Variants in SH3TC2 observed in about 807,000 individuals in gnomAD.
SH3TC2 encodes SH3 domain and tetratricopeptide repeat-containing protein 2.
In SH3TC2, 87 loss-of-function variants were observed where a neutral mutation model predicts 124.5. That is an observed-to-expected ratio of 0.70 (90% confidence interval 0.59 to 0.84). The LOEUF is 0.84. SH3TC2 is among the 40% of genes least tolerant of loss of function. The probability of loss-of-function intolerance (pLI) is 0.00; values close to 1 mark genes in which losing one functional copy is unlikely to be tolerated. For synonymous variants in SH3TC2, 634 were observed against 628.5 expected (o/e 1.01, Z -0.13); for missense variants, 1,536 against 1,566.4 (o/e 0.98, Z 0.33).
chr5:149,038,364 T>C lies in SH3TC2; in HGVS notation c.932A>G (p.Lys311Arg). The C allele has an allele frequency of 6.2e-7, 1 of 1,614,188 alleles. No homozygotes were observed. Residue 311 changes from lysine to arginine, a missense_variant, in exon 8 of 17, where the codon AAG becomes AGG. Around this residue, in one of 3 missense-constraint regions of SH3TC2, gnomAD observed 1,102 missense variants for 1,098.6 expected, o/e 1.00. Coordinates refer to ENST00000515425, the MANE Select transcript of SH3TC2 (RefSeq NM_024577.4). ...VIPGLQWFIG[K>R]STSSGQVGFV... is the part of the protein sequence containing the mutation. ...GCCCACTTGTCCTGAACTTGTCGAC[T>C]TTCCAATGAACCACTGAAGCCCAGG... is the stretch of plus-strand genomic sequence containing the variant.
At position 149,028,342 on chromosome 5, in the gene SH3TC2, C is replaced by G. The variant is rs764054256; in HGVS notation, c.1390G>C (p.Ala464Pro). The G allele has an allele frequency of 6.2e-7, 1 of 1,613,926 alleles. No individual in the cohort carries two copies. The highest frequency in any genetic ancestry group is 8.5e-7 in the Non-Finnish European group (1 of 1,179,888). ...GCCAATATGGGGGCGAAGTTCTCAG[C>G]CTCCTCCTCCTGACCAGTGCTTAGG... ...MDLSTGQEEE[A>P]ENFAPILAFL... The change falls in exon 11 of 17, where the codon GCT (alanine) becomes CCT (proline). Residue 464 changes from alanine to proline, a missense_variant. Physicochemically the swap from Ala to Pro is conservative, Grantham distance 27. Around this residue, in one of 3 missense-constraint regions of SH3TC2, gnomAD observed 1,102 missense variants for 1,098.6 expected, o/e 1.00. Coordinates refer to ENST00000515425, the MANE Select transcript of SH3TC2 (RefSeq NM_024577.4).
In SH3TC2 at chr5:148,998,842, C is replaced by T. The variant is rs1170573582; in HGVS notation, c.*5869G>A. Among the ~76,000 whole-genome samples the T allele has an allele frequency of 6.6e-6, 1 of 152,160 alleles. No homozygotes were observed. Among genetic ancestry groups the T allele is most frequent in the Non-Finnish European group, 1.5e-5 (1 of 68,018 alleles). On this transcript the variant is annotated 3_prime_UTR_variant, in exon 17 of 17. Coordinates refer to ENST00000515425, the MANE Select transcript of SH3TC2 (RefSeq NM_024577.4). ...CAAGTCCCCTGAGTTCTGGAATAAT[C>T]AGACAGAGTTGGGAGAGTGAGGGGG...
intron 8 of SH3TC2, among the ~76,000 whole-genome samples, chr5:149,033,556 T>C (rs991268437): frequency 1.3e-5 from 2 of 152,184 alleles, no homozygotes; most frequent in Non-Finnish European, 2.9e-5. Flanking sequence ...GAACTGGGGT[T>C]GACCTTCTAA....
rs1753262459 is a variant in SH3TC2, at chr5:148,982,275, G to A, written c.*22436C>T. 6.6e-6 allele frequency among the ~76,000 whole-genome samples: 1 copy of A among 152,100 alleles called. No individual in the cohort carries two copies. Among genetic ancestry groups the A allele is most frequent in the Admixed American group, 6.5e-5 (1 of 15,282 alleles). On this transcript the variant is annotated 3_prime_UTR_variant, in exon 17 of 17. Transcript: ENST00000515425. Reference sequence around the variant, plus strand: ...TGTTGGGGAGGGCCTGAGGAAAAAGGCACTCTCCGCATTGTAGGAGAATAC... The same window carrying A: ...TGTTGGGGAGGGCCTGAGGAAAAAGACACTCTCCGCATTGTAGGAGAATAC...
At chr5:149,023,101 T>C (rs751293484) in intron 12 of SH3TC2, among the ~76,000 whole-genome samples, 1 of 152,244 alleles carries the variant, frequency 6.6e-6, no homozygotes, top group Admixed American at 6.5e-5. Context: ...GGAAACTCTT[T>C]TGTAAAATTT....
Position 149,027,626 on chromosome 5 carries a change from T to C in SH3TC2, c.2106A>G (p.Gln702=). ...CCTGCCAAATAGGAAGAGACATCCCTTGGGCACTCTGGATACCATGTTGCT... is the reference window on the plus strand; with the variant it reads ...CCTGCCAAATAGGAAGAGACATCCCCTGGGCACTCTGGATACCATGTTGCT... ...SVQQHGIQSA[Q]GMSLPIWQVH... is the part of the protein sequence containing the mutation. Residue 702 remains glutamine (Q), a synonymous_variant, in exon 11 of 17, where the codon CAA becomes CAG. Transcript: ENST00000515425. 6.2e-7 allele frequency: 1 copy of C among 1,614,256 alleles called. No homozygotes were observed. The highest frequency in any genetic ancestry group is 1.1e-5 in the South Asian group (1 of 91,086).
At chr5:149,012,470 G>C in intron 13 of SH3TC2, 114 bp downstream of exon 13, 1 of 1,382,462 alleles carries the variant, frequency 7.2e-7, no homozygotes, top group Non-Finnish European at 1.0e-6. Context: ...TTTCTCCACA[G>C]GCTTAGGGTG....
rs960532202 is a variant in SH3TC2 at position 148,993,103 on chromosome 5, T to G, written c.*11608A>C. ...GGCTTCCATAGACGCTTAAGGTGATTAGGCATTTGTCCCTCACCGTTTCGA... is the reference window on the plus strand; with the variant it reads ...GGCTTCCATAGACGCTTAAGGTGATGAGGCATTTGTCCCTCACCGTTTCGA... On this transcript the variant is annotated 3_prime_UTR_variant, in exon 17 of 17. Transcript: ENST00000515425. Among the ~76,000 whole-genome samples the G allele has an allele frequency of 6.6e-6, 1 of 152,196 alleles. No homozygotes were observed. The highest frequency in any genetic ancestry group is 1.5e-5 in the Non-Finnish European group (1 of 68,022).
In SH3TC2 at chr5:148,995,797, C is replaced by T. The variant is rs372372656; in HGVS notation, c.*8914G>A. Among the ~76,000 whole-genome samples, 6 of 151,976 alleles carry T rather than the reference C, an allele frequency of 3.9e-5. No individual in the cohort carries two copies. The highest frequency in any genetic ancestry group is 7.4e-5 in the Non-Finnish European group (5 of 68,012). On this transcript the variant is annotated 3_prime_UTR_variant, in exon 17 of 17. Transcript: ENST00000515425. The stretch of plus-strand genomic sequence containing the variant: ...AAATAAGATTCCTGTTTTCATGGAA[C>T]TTCTAATCTAGGTGGTGCACATGGA...
At chr5:149,013,547 A>G (rs1182865822) in intron 12 of SH3TC2, among the ~76,000 whole-genome samples, 1 of 152,212 alleles carries the variant, frequency 6.6e-6, no homozygotes, top group Non-Finnish European at 1.5e-5. Flanking sequence ...TGAATGAGTG[A>G]CAACAGTGGT....
rs1189583812 is a variant in SH3TC2, at chr5:149,000,389, A to T, written c.*4322T>A. Among the ~76,000 whole-genome samples the T allele has an allele frequency of 6.6e-6, 1 of 152,238 alleles. No homozygotes were observed. The highest frequency in any genetic ancestry group is 1.5e-5 in the Non-Finnish European group (1 of 68,032). The stretch of plus-strand genomic sequence containing the variant: ...CTTATTAATCTCTCTGTTTTCAAAC[A>T]ATGCCAGATAAGGCCTAGGCTGGGT... On this transcript the variant is annotated 3_prime_UTR_variant, in exon 17 of 17. Transcript: ENST00000515425.
In SH3TC2 at chr5:149,027,524, G is replaced by A. The variant is rs1754092285; in HGVS notation, c.2208C>T (p.Ala736=). The A allele has an allele frequency of 6.2e-7, 1 of 1,614,108 alleles. No individual in the cohort carries two copies. Among genetic ancestry groups the A allele is most frequent in the Admixed American group, 1.7e-5 (1 of 60,014 alleles). The part of the protein sequence containing the change: ...SPGWGEVSAL[A]CPMLRQALAA... ...CCAGGGCCTGTCTGAGCATTGGGCA[G>A]GCCAAGGCAGAAACTTCACCCCAGC... The change falls in exon 11 of 17, where the codon GCC becomes GCT. Residue 736 remains alanine, a synonymous_variant. Coordinates refer to ENST00000515425, the MANE Select transcript of SH3TC2 (RefSeq NM_024577.4).
intron 1 of SH3TC2, among the ~76,000 whole-genome samples, chr5:149,058,526 T>C (rs1368688568): frequency 6.6e-6 from 1 of 152,214 alleles, no homozygotes. Context: ...TTTGCAATTG[T>C]TATTGGGTTA....
chr5:149,012,502 C>T, intron 13 of SH3TC2, 82 bp downstream of exon 13: 1 of 1,545,216 alleles, frequency 6.5e-7, no homozygotes, highest in Non-Finnish European at 8.9e-7. Flanking sequence ...TCTCTGGTTC[C>T]CCCTGGTTGA....
At position 149,028,175 on chromosome 5, in the gene SH3TC2, C is replaced by T. The variant is rs1393215964; in HGVS notation, c.1557G>A (p.Lys519=). 3.1e-6 allele frequency: 5 copies of T among 1,614,042 alleles called. No individual in the cohort carries two copies. Reference sequence around the variant, plus strand: ...CATGGGCCCAGGTCATGTGGCTCTTCTTGGCCCACTTTCTTGATGCCTCCA... The same window carrying T: ...CATGGGCCCAGGTCATGTGGCTCTTTTTGGCCCACTTTCTTGATGCCTCCA... ...AYLEASRKWA[K]KSHMTWAHAR... The change falls in exon 11 of 17, where the codon AAG becomes AAA. Residue 519 remains lysine (K), a synonymous_variant. Transcript: ENST00000515425.
chr5:149,008,471 C>T (rs1753727729), intron 15 of SH3TC2: 2 of 317,848 alleles, frequency 6.3e-6, no homozygotes, highest in East Asian at 7.7e-5. Flanking sequence ...GGGAACATAG[C>T]TTATGAAGAG....
At chr5:149,050,899 A>C (rs1426464580) in intron 2 of SH3TC2, among the ~76,000 whole-genome samples, 1 of 152,198 alleles carries the variant, frequency 6.6e-6, no homozygotes, top group East Asian at 1.9e-4. Context: ...GTTTTGAACA[A>C]GGCCCTTCCT....
intron 12 of SH3TC2, 97 bp downstream of exon 12, chr5:149,026,475 T>C (rs1754064599): frequency 2.0e-6 from 3 of 1,466,278 alleles, no homozygotes; most frequent in South Asian, 1.1e-5. Context: ...GCCCCGCCTA[T>C]ACCATGTACA....
Position 148,988,005 on chromosome 5 carries a change from T to C in SH3TC2, c.*16706A>G, listed in dbSNP as rs964495671. On this transcript the variant is annotated 3_prime_UTR_variant, in exon 17 of 17. Coordinates refer to ENST00000515425, the MANE Select transcript of SH3TC2 (RefSeq NM_024577.4). ...GAAGTGCCGAGAATGCTGTTGCACC[T>C]CCTCTGGCCAAGGACAGAGAGTCAT... Among the ~76,000 whole-genome samples the C allele has an allele frequency of 3.9e-5, 6 of 152,068 alleles. No individual in the cohort carries two copies. Among genetic ancestry groups the C allele is most frequent in the Admixed American group, 2.6e-4 (4 of 15,266 alleles).
Sources: gnomAD v4.1 joint callset for allele counts (sites outside exome capture counted in the v4.1 genomes callset) on GRCh38, gnomAD v4.1.1 for gene constraint, gnomAD v4.1.1 regional missense constraint, MANE v1.5 for transcripts, NCBI Gene and HGNC (gene_info 2026-07-23, HGNC 2026-07-21) for gene names.